Variants in MYLK observed in about 807,000 individuals in gnomAD.
MYLK encodes the protein myosin light chain kinase.
A neutral mutation model predicts 203.4 loss-of-function variants in MYLK; 106 were observed. The ratio of observed to expected loss-of-function variants is 0.52; its 90% CI spans 0.45 to 0.61. The LOEUF (loss-of-function observed/expected upper bound fraction) is 0.61. Ranked by LOEUF, MYLK falls within the 20% of genes least tolerant of loss-of-function variation. MYLK has a pLI of 0.00. For synonymous variants in MYLK, 867 were observed against 959.5 expected (o/e 0.90, Z 1.78); for missense variants, 2,072 against 2,442.3 (o/e 0.85, Z 3.20).
At chr3:123,810,095 T>C (rs1020941018) in intron 3 of MYLK, among the ~76,000 whole-genome samples, 1 of 152,084 alleles carries the variant, frequency 6.6e-6, no homozygotes, top group Non-Finnish European at 1.5e-5. Flanking sequence ...CAGAACTCAT[T>C]ACCTGTCCGC....
chr3:123,702,850 A>G (rs185603064), intron 16 of MYLK, among the ~76,000 whole-genome samples: 2 of 152,298 alleles, frequency 1.3e-5, no homozygotes, highest in Non-Finnish European at 1.5e-5. Context: ...CTGAAGGTCA[A>G]GGTTAAGTAA....
At chr3:123,753,929 C>T (rs557608879) in intron 4 of MYLK, among the ~76,000 whole-genome samples, 39 of 152,268 alleles carry the variant, frequency 2.6e-4, no homozygotes, top group Middle Eastern at 3.4e-3. Flanking sequence ...TGAATGACCC[C>T]CAAATTGCAT....
At chr3:123,663,194 T>C (rs1449822135) in intron 23 of MYLK, among the ~76,000 whole-genome samples, 6 of 152,148 alleles carry the variant, frequency 3.9e-5, no homozygotes, top group Admixed American at 1.3e-4. Flanking sequence ...GAAAACTCTC[T>C]TGATGCTCCA....
At chr3:123,861,189 A>G (rs1329892324) in intron 2 of MYLK, among the ~76,000 whole-genome samples, 1 of 152,026 alleles carries the variant, frequency 6.6e-6, no homozygotes. Flanking sequence ...TTGCATGTTG[A>G]GATCATGAAA....
chr3:123,739,141 A>T (rs1402946058), intron 6 of MYLK, 79 bp from the exon 7 acceptor site: 1 of 1,514,808 alleles, frequency 6.6e-7, no homozygotes, highest in African/African-American at 1.4e-5. Flanking sequence ...ACTCAAAGGC[A>T]CTAAGTTAAG....
intron 13 of MYLK, among the ~76,000 whole-genome samples, chr3:123,720,177 T>C (rs1200767670): frequency 1.3e-5 from 2 of 152,218 alleles, no homozygotes; most frequent in African/African-American, 2.4e-5. Context: ...GGCAGAGTTT[T>C]TGCCTGGGAC....
intron 4 of MYLK, among the ~76,000 whole-genome samples, chr3:123,775,599 G>A (rs2064042917): frequency 6.6e-6 from 1 of 152,112 alleles, no homozygotes; most frequent in Admixed American, 6.6e-5. Flanking sequence ...GGAGCCCAGT[G>A]AAGACAAATT....
intron 12 of MYLK, among the ~76,000 whole-genome samples, 186 bp downstream of exon 12, chr3:123,725,757 GA>G (rs1244110128): frequency 1.2e-4 from 18 of 152,346 alleles, no homozygotes; most frequent in East Asian, 1.2e-3. Context: ...GCTCAGACAG[GA>G]GTAGTAACTT....
intron 2 of MYLK, among the ~76,000 whole-genome samples, chr3:123,868,674 A>C (rs745375154): frequency 3.7e-4 from 56 of 152,218 alleles, no homozygotes; most frequent in Non-Finnish European, 7.5e-4. Context: ...ATTCCTTTTA[A>C]CTTCCCTAAA....
chr3:123,757,456 G>A lies in MYLK; in HGVS notation c.166-4918C>T, dbSNP rs7612182. 2.3e-3 allele frequency among the ~76,000 whole-genome samples: 346 copies of A among 152,290 alleles called. 2 individuals carry two copies. Among genetic ancestry groups the A allele is most frequent in the African/African-American group, 8.1e-3 (337 of 41,562 alleles). On this transcript the variant is annotated intron_variant, in intron 4 of 33. Transcript: ENST00000360304. ...CACACAGCTGCAGGGCACAGCTGCG[G>A]TGGCCCAACCGCAGATAGGTCACAT...
intron 2 of MYLK, among the ~76,000 whole-genome samples, 199 bp from the exon 3 acceptor site, chr3:123,831,869 G>C (rs2066341576): frequency 6.6e-6 from 1 of 152,156 alleles, no homozygotes; most frequent in African/African-American, 2.4e-5. Flanking sequence ...TAGTTACAAG[G>C]AGAACCAGAA....
intron 5 of MYLK, among the ~76,000 whole-genome samples, chr3:123,746,807 T>TA (rs1452758422): frequency 1.5e-4 from 4 of 27,404 alleles, no homozygotes; most frequent in South Asian, 0.01. Flanking sequence ...TGCCTAGATT[T>TA]TAAAAAATAG....
At chr3:123,833,706 T>C (rs1040663844) in intron 2 of MYLK, among the ~76,000 whole-genome samples, 6 of 152,230 alleles carry the variant, frequency 3.9e-5, no homozygotes, top group Admixed American at 6.5e-5. Flanking sequence ...GTTAATTATG[T>C]AAAAATTAAA....
At chr3:123,773,983 G>A (rs1225598990) in intron 4 of MYLK, among the ~76,000 whole-genome samples, 1 of 152,228 alleles carries the variant, frequency 6.6e-6, no homozygotes, top group Non-Finnish European at 1.5e-5. Flanking sequence ...GCCACTGCCT[G>A]TCTCCAGCTG....
intron 19 of MYLK, among the ~76,000 whole-genome samples, chr3:123,685,906 A>T (rs2060435791): frequency 6.6e-6 from 1 of 152,140 alleles, no homozygotes; most frequent in South Asian, 2.1e-4. Flanking sequence ...TCCCCCTTTC[A>T]AACTAGGCAC....
chr3:123,844,611 G>A (rs1440225431), intron 2 of MYLK, among the ~76,000 whole-genome samples: 4 of 151,978 alleles, frequency 2.6e-5, no homozygotes, highest in South Asian at 2.1e-4. Flanking sequence ...CCACTCCATC[G>A]GGTTGTGATA....
rs79330261 is a variant in MYLK at position 123,760,163 on chromosome 3, A to AGTAT, written c.166-7629_166-7626dup. ...ATATCAGAATCTACTTCCATGGAGA[A>AGTAT]GTATGTATGTATGTATGTATGTATG... On this transcript the variant is annotated intron_variant, in intron 4 of 33. Coordinates refer to ENST00000360304, the MANE Select transcript of MYLK (RefSeq NM_053025.4). 9.5e-3 allele frequency among the ~76,000 whole-genome samples: 1,446 copies of AGTAT among 151,972 alleles called. 19 individuals are homozygous for AGTAT. Among genetic ancestry groups the AGTAT allele is most frequent in the Non-Finnish European group, 0.015 (1,035 of 67,906 alleles).
intron 3 of MYLK, among the ~76,000 whole-genome samples, chr3:123,825,473 T>C (rs935419628): frequency 3.3e-5 from 5 of 152,158 alleles, no homozygotes; most frequent in Non-Finnish European, 7.4e-5. Flanking sequence ...CTACAGTCCT[T>C]ACAACAGGAG....
At chr3:123,776,387 T>C (rs1233830637) in intron 4 of MYLK, among the ~76,000 whole-genome samples, 1 of 152,208 alleles carries the variant, frequency 6.6e-6, no homozygotes, top group Non-Finnish European at 1.5e-5. Context: ...TGCTTAAAGA[T>C]GCCCGAATCC....
Sources: allele counts gnomAD v4.1 joint callset (sites outside exome capture counted in the v4.1 genomes callset), GRCh38; gene constraint gnomAD v4.1.1; transcripts MANE v1.5; gene names NCBI Gene and HGNC (gene_info 2026-07-23, HGNC 2026-07-21).